The following SNX30 variants were observed in gnomAD, a reference collection of about 807,000 sequenced individuals.
SNX30 encodes sorting nexin-30.
Under a neutral mutation model 46.4 loss-of-function variants are expected in SNX30, and 24 were observed. The observed-to-expected ratio is 0.52, with a 90% CI of 0.37 to 0.73. The LOEUF is 0.73. SNX30 is among the 30% of genes least tolerant of loss of function. The probability of loss-of-function intolerance (pLI) is 0.00; values close to 1 mark genes in which losing one functional copy is unlikely to be tolerated. For missense variants in SNX30, 533 were observed against 555.7 expected, an observed-to-expected ratio of 0.96 and a Z score of 0.41; for synonymous variants, 189 against 211.5, an observed-to-expected ratio of 0.89 and a Z score of 0.92.
chr9:112,790,229 T>C (rs1166121587), intron 1 of SNX30, among the ~76,000 whole-genome samples: 1 of 152,252 alleles, frequency 6.6e-6, no homozygotes, highest in Admixed American at 6.5e-5. Flanking sequence ...TAAATCTCTA[T>C]GTCTTAATAT....
At chr9:112,841,755 G>T (rs1020342710) in intron 6 of SNX30, among the ~76,000 whole-genome samples, 2 of 152,366 alleles carry the variant, frequency 1.3e-5, no homozygotes, top group South Asian at 2.1e-4. Context: ...GATGTCTTAA[G>T]TGGCTTGCCC....
At chr9:112,832,386 T>C (rs113553737) in intron 4 of SNX30, among the ~76,000 whole-genome samples, 3 of 148,458 alleles carry the variant, frequency 2.0e-5, no homozygotes, top group African/African-American at 7.5e-5. Flanking sequence ...AGGGAAAAGC[T>C]TGGACCCCTG....
At chr9:112,876,040 G>T (rs1191559718), downstream of SNX30, 1 of 152,160 alleles carries the variant, frequency 6.6e-6, no homozygotes, top group Non-Finnish European at 1.5e-5. Context: ...GCTTGCCTTG[G>T]CCTCCCAAAG....
At chr9:112,809,583 AG>A (rs1189692497) in intron 2 of SNX30, among the ~76,000 whole-genome samples, 20 of 151,774 alleles carry the variant, frequency 1.3e-4, no homozygotes, top group Admixed American at 1.3e-3. Flanking sequence ...AAAGAAAAAG[AG>A]TCATAACACC....
chr9:112,764,094 G>A (rs906700622), intron 1 of SNX30, among the ~76,000 whole-genome samples: 3 of 152,130 alleles, frequency 2.0e-5, no homozygotes, highest in Admixed American at 6.5e-5. Flanking sequence ...AATAAAGTAG[G>A]GTGAGACCTT....
chr9:112,760,062 A>G (rs1445304868), intron 1 of SNX30, among the ~76,000 whole-genome samples: 2 of 152,212 alleles, frequency 1.3e-5, no homozygotes, highest in African/African-American at 4.8e-5. Context: ...TGATCAGGGA[A>G]TAAAAGCCAG....
At chr9:112,789,662 TC>T (rs1464167196) in intron 1 of SNX30, among the ~76,000 whole-genome samples, 3 of 152,174 alleles carry the variant, frequency 2.0e-5, no homozygotes, top group Non-Finnish European at 4.4e-5. Flanking sequence ...CTCCTAAGAA[TC>T]ATAAGAATGT....
chr9:112,778,482 G>T (rs1364931053), intron 1 of SNX30, among the ~76,000 whole-genome samples: 2 of 152,126 alleles, frequency 1.3e-5, no homozygotes, highest in Admixed American at 6.5e-5. Context: ...ATGTTGGCCA[G>T]GCTGGTCGCG....
chr9:112,851,070 T>G (rs976591721), intron 7 of SNX30, 125 bp downstream of exon 7: 1 of 596,748 alleles, frequency 1.7e-6, no homozygotes, highest in Non-Finnish European at 2.9e-6. Flanking sequence ...TTGATGATGT[T>G]GTCCTTTTTC....
At chr9:112,808,033 C>G (rs1051286170) in intron 2 of SNX30, among the ~76,000 whole-genome samples, 2 of 152,200 alleles carry the variant, frequency 1.3e-5, no homozygotes, top group African/African-American at 4.8e-5. Context: ...GAGTTGTCTT[C>G]TTTTCCTGTT....
Position 112,797,773 on chromosome 9 carries a change from G to A in SNX30, c.157-7003G>A, listed in dbSNP as rs1588120073. On this transcript the variant is annotated intron_variant, in intron 1 of 8. Coordinates refer to ENST00000374232, the MANE Select transcript of SNX30 (RefSeq NM_001012994.2). ...CGCCCAGACTGGAGTGCAGTGGCAT[G>A]ATCCCGGCTCACTGCAACCTCTGCC... Among the ~76,000 whole-genome samples the A allele has an allele frequency of 2.2e-5, 3 of 134,404 alleles. No homozygotes were observed. In the South Asian group the frequency reaches 6.9e-4, roughly 31 times the overall value. The allele number at this position is 134,404 out of a possible 152,430, so 88.2% of individuals were successfully genotyped here. A position where few individuals can be genotyped will look rare whatever the true frequency, so the allele number is the denominator to read the frequency against.
chr9:112,874,458 G>T lies in SNX30; in HGVS notation c.*5615G>T, dbSNP rs1308925242. On this transcript the variant is annotated 3_prime_UTR_variant, in exon 9 of 9. Transcript: ENST00000374232. ...GTTAAAGAAGAGATTAAAAACTTCG[G>T]CTTTGGACATGTCCACATTATGGAC... The T allele has an allele frequency of 6.6e-6, 1 of 152,154 alleles. No homozygotes were observed. The highest frequency in any genetic ancestry group is 1.5e-5 in the Non-Finnish European group (1 of 68,022). 9.4% of individuals were successfully genotyped at this position (152,154 alleles called of 1,614,324 possible).
At chr9:112,795,803 A>G (rs1320382161) in intron 1 of SNX30, among the ~76,000 whole-genome samples, 2 of 150,954 alleles carry the variant, frequency 1.3e-5, no homozygotes, top group East Asian at 3.9e-4. Flanking sequence ...ACACGCACAC[A>G]TGATGAGCAA....
At chr9:112,776,171 G>A (rs1839745260) in intron 1 of SNX30, among the ~76,000 whole-genome samples, 1 of 151,690 alleles carries the variant, frequency 6.6e-6, no homozygotes, top group African/African-American at 2.4e-5. Flanking sequence ...ATCCTTTTTT[G>A]TTCTTGATTC....
chr9:112,859,311 C>T (rs1030738340), intron 7 of SNX30, among the ~76,000 whole-genome samples: 1 of 152,176 alleles, frequency 6.6e-6, no homozygotes, highest in African/African-American at 2.4e-5. Flanking sequence ...CACACACATA[C>T]ATACATACAC....
chr9:112,867,113 A>C (rs111163450), intron 8 of SNX30, among the ~76,000 whole-genome samples: 50 of 104,702 alleles, frequency 4.8e-4, no homozygotes, highest in Non-Finnish European at 4.4e-4. Flanking sequence ...AACTCCTCCC[A>C]CCTCCTCAGA....
At chr9:112,868,586 A>C (rs1841397745) in intron 8 of SNX30, among the ~76,000 whole-genome samples, 198 bp from the exon 9 acceptor site, 2 of 152,234 alleles carry the variant, frequency 1.3e-5, no homozygotes. Flanking sequence ...GCTGTCTTTC[A>C]TAAAGATGGG....
chr9:112,818,199 C>CTT (rs10574279), intron 3 of SNX30, among the ~76,000 whole-genome samples: 24 of 114,384 alleles, frequency 2.1e-4, no homozygotes, highest in South Asian at 1.7e-3. Flanking sequence ...AAATTTAAAT[C>CTT]TTTTTTTTTT....
chr9:112,781,705 C>G (rs1039019489), intron 1 of SNX30, among the ~76,000 whole-genome samples: 1 of 152,162 alleles, frequency 6.6e-6, no homozygotes, highest in Admixed American at 6.5e-5. Flanking sequence ...GATCTGGGCT[C>G]ACTGTAATGT....
Sources: gnomAD v4.1 joint callset for allele counts (sites outside exome capture counted in the v4.1 genomes callset) on GRCh38, gnomAD v4.1.1 for gene constraint, MANE v1.5 for transcripts, NCBI Gene and HGNC (gene_info 2026-07-23, HGNC 2026-07-21) for gene names.